Variants in COL11A1 observed in about 807,000 individuals in gnomAD.
The protein encoded by COL11A1 is collagen type XI alpha 1 chain.
In COL11A1, 74 loss-of-function variants were observed where a neutral mutation model predicts 265.2. The observed-to-expected ratio is 0.28, with a 90% CI of 0.23 to 0.34. COL11A1 has a LOEUF of 0.34. Ranked by LOEUF, COL11A1 falls within the 10% of genes least tolerant of loss-of-function variation. The pLI is 1.00. For missense variants in COL11A1, 2,165 were observed against 2,263.6 expected (o/e 0.96, Z 0.88); for synonymous variants, 816 against 727.6 (o/e 1.12, Z -1.96).
intron 52 of COL11A1, 35 bp from the exon 53 acceptor site, chr1:102,913,725 T>A: frequency 6.3e-7 from 1 of 1,584,660 alleles, no homozygotes; most frequent in Non-Finnish European, 8.7e-7. Context: ...GCAAGATATA[T>A]CTCAGTATCA....
At chr1:103,074,882 C>G (rs1255364982) in intron 3 of COL11A1, 102 bp from the exon 4 acceptor site, 1 of 1,344,550 alleles carries the variant, frequency 7.4e-7, no homozygotes, top group East Asian at 2.4e-5. Context: ...TAAAAATGAG[C>G]TAAAATCATA....
At chr1:103,035,480 T>G (rs926646539) in intron 4 of COL11A1, among the ~76,000 whole-genome samples, 9 of 152,194 alleles carry the variant, frequency 5.9e-5, no homozygotes, top group South Asian at 2.1e-4. Context: ...TCACGATAAA[T>G]TTTGTGGACT....
chr1:103,008,442 A>T, intron 15 of COL11A1, 21 bp downstream of exon 15: 1 of 1,608,742 alleles, frequency 6.2e-7, no homozygotes, highest in Non-Finnish European at 8.5e-7. Flanking sequence ...AAGAATAAAA[A>T]GTCAAATTTT....
chr1:102,970,560 T>C (rs1182360326), intron 36 of COL11A1, among the ~76,000 whole-genome samples: 3 of 152,234 alleles, frequency 2.0e-5, no homozygotes, highest in African/African-American at 4.8e-5. Context: ...CAAAGGTTTG[T>C]ATTTTCGTTT....
At chr1:102,893,286 CT>C (rs1394484235) in intron 57 of COL11A1, among the ~76,000 whole-genome samples, 1 of 151,998 alleles carries the variant, frequency 6.6e-6, no homozygotes, top group Non-Finnish European at 1.5e-5. Context: ...ATTAAAAATC[CT>C]TTCCATAAAT....
intron 1 of COL11A1, among the ~76,000 whole-genome samples, chr1:103,083,711 G>T (rs963683875): frequency 2.0e-5 from 3 of 152,072 alleles, no homozygotes; most frequent in African/African-American, 7.2e-5. Flanking sequence ...GTAATTTATC[G>T]ATTTTTATTA....
intron 28 of COL11A1, among the ~76,000 whole-genome samples, chr1:102,991,969 G>A (rs1382689658): frequency 3.3e-5 from 5 of 151,784 alleles, no homozygotes; most frequent in Non-Finnish European, 5.9e-5. Flanking sequence ...TATTGACAAC[G>A]TCTTCATTAC....
At chr1:103,043,565 A>T (rs561960107) in intron 4 of COL11A1, among the ~76,000 whole-genome samples, 6 of 152,246 alleles carry the variant, frequency 3.9e-5, no homozygotes. Context: ...CCAATAATTT[A>T]TTCACCATTG....
chr1:102,883,341 A>G, intron 63 of COL11A1, 30 bp from the exon 64 acceptor site: 1 of 1,387,534 alleles, frequency 7.2e-7, no homozygotes, highest in Non-Finnish European at 1.0e-6. Context: ...ATGTCATATA[A>G]AAATTCATTG....
chr1:102,951,551 T>C (rs1372145147), intron 41 of COL11A1, among the ~76,000 whole-genome samples: 1 of 151,852 alleles, frequency 6.6e-6, no homozygotes, highest in African/African-American at 2.4e-5. Flanking sequence ...ATAAATTAGC[T>C]GGGCGTGGTG....
chr1:103,074,723 A>G lies in COL11A1; in HGVS notation c.546T>C (p.Cys182=). The change falls in exon 4 of 67, where the codon TGT becomes TGC. Residue 182 remains cysteine, a synonymous_variant. Coordinates refer to ENST00000370096, the MANE Select transcript of COL11A1 (RefSeq NM_001854.4). ...CAAGTGGTTTCGTGGTTTTCTTCTT[A>G]CAATCAACAATCATTGTCACAGTTT... ...EKKTVTMIVD[C]KKKTTKPLDR... is the part of the protein sequence containing the mutation. The G allele has an allele frequency of 6.2e-7, 1 of 1,613,384 alleles. No individual in the cohort carries two copies. The highest frequency in any genetic ancestry group is 8.5e-7 in the Non-Finnish European group (1 of 1,179,610).
chr1:103,030,439 C>T (rs1667887683), intron 5 of COL11A1, among the ~76,000 whole-genome samples: 2 of 151,938 alleles, frequency 1.3e-5, no homozygotes, highest in Admixed American at 6.6e-5. Context: ...AATGGTGGCA[C>T]CTAATAGTAC....
In COL11A1 at chr1:103,025,619, G is replaced by A; in HGVS notation, c.898-6C>T. 1 of 1,610,794 alleles carries A rather than the reference G, an allele frequency of 6.2e-7. No homozygotes were observed. Among genetic ancestry groups the A allele is most frequent in the Non-Finnish European group, 8.5e-7 (1 of 1,177,380 alleles). ...AAATCATCAACGATGTTTGCCTAATGGTAAATTCAGAAGAGAATTAGTAAA... is the reference window on the plus strand; with the variant it reads ...AAATCATCAACGATGTTTGCCTAATAGTAAATTCAGAAGAGAATTAGTAAA... On this transcript the variant is annotated splice_region_variant and splice_polypyrimidine_tract_variant and intron_variant, in intron 6 of 66. Transcript: ENST00000370096.
chr1:103,057,077 C>A (rs1403813727), intron 4 of COL11A1, among the ~76,000 whole-genome samples: 1 of 152,116 alleles, frequency 6.6e-6, no homozygotes, highest in South Asian at 2.1e-4. Flanking sequence ...TAAAAGATTT[C>A]TCTGTAGCAT....
At position 103,014,559 on chromosome 1, in the gene COL11A1, G is replaced by T. The variant is rs1571038285; in HGVS notation, c.1524C>A (p.Thr508=). ...RYGGDGSKGP[T]ISAQEAQAQA... The stretch of plus-strand genomic sequence containing the variant: ...GAGCCTGAGCTTCCTGAGCAGAGAT[G>T]GTTGGTCCTTTGGAACCATCACCAC... Residue 508 remains threonine (T), a synonymous_variant, in exon 13 of 67, where the codon ACC becomes ACA. Coordinates refer to ENST00000370096, the MANE Select transcript of COL11A1 (RefSeq NM_001854.4). 6 of 1,613,676 alleles carry T rather than the reference G, an allele frequency of 3.7e-6. No individual in the cohort carries two copies. In the South Asian group the frequency reaches 6.6e-5, roughly 18 times the overall value.
Position 102,965,506 on chromosome 1 carries a change from C to G in COL11A1, c.2897G>C (p.Gly966Ala). 2 of 1,613,694 alleles carry G rather than the reference C, an allele frequency of 1.2e-6. No individual in the cohort carries two copies. The highest frequency in any genetic ancestry group is 1.7e-6 in the Non-Finnish European group (2 of 1,179,774). Residue 966 changes from glycine to alanine, a missense_variant, in exon 38 of 67, where the codon GGG becomes GCG. By Grantham distance (60) the Gly-to-Ala change is moderately conservative. Coordinates refer to ENST00000370096, the MANE Select transcript of COL11A1 (RefSeq NM_001854.4). ...FQGKTGPPGPGGVVGPQGPTG... is the reference protein window; with the variant it reads ...FQGKTGPPGPAGVVGPQGPTG... ...ACATACCTGTGGTCCAACCACTCCC[C>G]CTGGCCCAGGAGGGCCGGTCTTGCC...
chr1:103,098,945 T>C (rs1233547195), intron 1 of COL11A1, among the ~76,000 whole-genome samples: 2 of 151,770 alleles, frequency 1.3e-5, no homozygotes, highest in Non-Finnish European at 1.5e-5. Context: ...CAGAAATTGG[T>C]TCAAGATACT....
intron 4 of COL11A1, among the ~76,000 whole-genome samples, chr1:103,070,909 A>G (rs1218751921): frequency 6.6e-6 from 1 of 152,008 alleles, no homozygotes; most frequent in East Asian, 1.9e-4. Flanking sequence ...TAAAGCAATA[A>G]TCAAGCTCTT....
intron 1 of COL11A1, among the ~76,000 whole-genome samples, chr1:103,095,028 C>T (rs1215672919): frequency 6.6e-6 from 1 of 152,058 alleles, no homozygotes; most frequent in Admixed American, 6.6e-5. Context: ...AATGCCGTTA[C>T]CATTTCTACA....
Sources: allele counts gnomAD v4.1 joint callset (sites outside exome capture counted in the v4.1 genomes callset), GRCh38; gene constraint gnomAD v4.1.1; transcripts MANE v1.5; gene names NCBI Gene and HGNC (gene_info 2026-07-23, HGNC 2026-07-21).